Variants in SGCZ observed in about 807,000 individuals in gnomAD.
The protein encoded by SGCZ is zeta-sarcoglycan.
Under a neutral mutation model 41.3 loss-of-function variants are expected in SGCZ, and 40 were observed. That is an observed-to-expected ratio of 0.97 (90% confidence interval 0.75 to 1.26). The LOEUF (loss-of-function observed/expected upper bound fraction) is 1.26, where lower values mean the gene tolerates loss of function less well. Ranked by LOEUF, SGCZ falls within the 50% of genes most tolerant of loss-of-function variation. SGCZ has a pLI of 0.00. For missense variants in SGCZ, 552 were observed against 369.8 expected (o/e 1.49, Z -4.04); for synonymous variants, 206 against 137.5 (o/e 1.50, Z -3.49).
At chr8:14,410,099 A>C (rs1331525267) in intron 2 of SGCZ, among the ~76,000 whole-genome samples, 1 of 152,096 alleles carries the variant, frequency 6.6e-6, no homozygotes, top group Non-Finnish European at 1.5e-5. Context: ...TTAGATTCTT[A>C]AAGGAATGCA....
intron 1 of SGCZ, among the ~76,000 whole-genome samples, chr8:15,162,877 T>C (rs1464403175): frequency 6.6e-6 from 1 of 152,200 alleles, no homozygotes; most frequent in African/African-American, 2.4e-5. Context: ...AAGGAAATCA[T>C]GAAACTGCAG....
At chr8:15,054,146 G>T (rs1325842146) in intron 1 of SGCZ, among the ~76,000 whole-genome samples, 1 of 152,158 alleles carries the variant, frequency 6.6e-6, no homozygotes, top group East Asian at 1.9e-4. Context: ...CTGTGTATAA[G>T]TGAATATTTA....
intron 1 of SGCZ, among the ~76,000 whole-genome samples, chr8:14,617,945 G>A (rs1325792387): frequency 6.6e-6 from 1 of 151,928 alleles, no homozygotes; most frequent in Non-Finnish European, 1.5e-5. Context: ...TTAAGAGGCA[G>A]ATAAAATAGA....
intron 3 of SGCZ, among the ~76,000 whole-genome samples, chr8:14,316,991 A>C (rs1801740501): frequency 6.6e-6 from 1 of 151,934 alleles, no homozygotes; most frequent in African/African-American, 2.4e-5. Context: ...TGCAGTGATT[A>C]GTGGCAATTG....
rs79155085 is a variant in SGCZ at position 14,506,502 on chromosome 8, T to TAA, written c.234+48228_234+48229dup. Among the ~76,000 whole-genome samples, 462 of 149,510 alleles carry TAA rather than the reference T, an allele frequency of 3.1e-3. 1 individual carries two copies. The highest frequency in any genetic ancestry group is 4.3e-3 in the Non-Finnish European group (287 of 67,286). On this transcript the variant is annotated intron_variant, in intron 2 of 7. Coordinates refer to ENST00000382080, the MANE Select transcript of SGCZ (RefSeq NM_139167.4). ...AAAACAAGTTATTAACTTATTCATT[T>TAA]AAAAAAAAAAAGTCAGTCTCCTAAT...
chr8:14,835,948 T>C (rs1276623964), intron 1 of SGCZ, among the ~76,000 whole-genome samples: 2 of 152,216 alleles, frequency 1.3e-5, no homozygotes, highest in Non-Finnish European at 2.9e-5. Flanking sequence ...AAATTTCCAA[T>C]AAGTTGCTAT....
chr8:14,704,735 T>A (rs1213644514), intron 1 of SGCZ, among the ~76,000 whole-genome samples: 1 of 151,938 alleles, frequency 6.6e-6, no homozygotes, highest in East Asian at 1.9e-4. Context: ...TTTTTTCCAA[T>A]GCCATTACAC....
At chr8:14,298,988 A>G (rs1266391375) in intron 3 of SGCZ, among the ~76,000 whole-genome samples, 2 of 152,098 alleles carry the variant, frequency 1.3e-5, no homozygotes, top group Non-Finnish European at 2.9e-5. Context: ...TTATATTGGT[A>G]TAATGAAAGA....
chr8:14,945,160 G>A (rs1244785275), intron 1 of SGCZ, among the ~76,000 whole-genome samples: 1 of 121,938 alleles, frequency 8.2e-6, no homozygotes, highest in African/African-American at 3.1e-5. Flanking sequence ...TTGTGTGTGG[G>A]TGGGTGGGGG....
intron 1 of SGCZ, among the ~76,000 whole-genome samples, chr8:15,236,927 C>T (rs944601101): frequency 2.0e-5 from 3 of 152,180 alleles, no homozygotes; most frequent in Non-Finnish European, 4.4e-5. Context: ...GCCCGAGTCC[C>T]CGGACCTGCT....
intron 2 of SGCZ, among the ~76,000 whole-genome samples, chr8:14,394,151 T>TCC (rs1563300655): frequency 0.012 from 795 of 65,626 alleles, 20 homozygotes; most frequent in African/African-American, 0.062. Context: ...ACCTTTTTTT[T>TCC]TTTTTTTTTT....
intron 1 of SGCZ, among the ~76,000 whole-genome samples, chr8:14,999,063 T>C (rs1008314237): frequency 4.3e-4 from 66 of 152,328 alleles, no homozygotes; most frequent in African/African-American, 1.5e-3. Flanking sequence ...GGCAGAATTA[T>C]GTATGGACAA....
intron 2 of SGCZ, among the ~76,000 whole-genome samples, chr8:14,391,137 T>C (rs1030557703): frequency 6.6e-5 from 10 of 152,148 alleles, no homozygotes; most frequent in Admixed American, 6.6e-4. Context: ...ATTAAGGCTC[T>C]AGGGGTGATC....
At chr8:14,226,669 T>C (rs548931704) in intron 4 of SGCZ, among the ~76,000 whole-genome samples, 40 of 152,284 alleles carry the variant, frequency 2.6e-4, no homozygotes, top group African/African-American at 8.7e-4. Flanking sequence ...TGAATATCTA[T>C]AGAAACTTTA....
At chr8:14,381,595 T>C (rs558511253) in intron 2 of SGCZ, among the ~76,000 whole-genome samples, 1 of 151,202 alleles carries the variant, frequency 6.6e-6, no homozygotes, top group Non-Finnish European at 1.5e-5. Flanking sequence ...GGCAACATGA[T>C]GAAACCCCGG....
chr8:14,195,941 G>A (rs1400110920), intron 4 of SGCZ, among the ~76,000 whole-genome samples: 1 of 152,064 alleles, frequency 6.6e-6, no homozygotes, highest in East Asian at 1.9e-4. Context: ...ACATCAGATG[G>A]AAATATGAAT....
chr8:14,091,481 C>A (rs1485984522), intron 7 of SGCZ, among the ~76,000 whole-genome samples: 3 of 152,098 alleles, frequency 2.0e-5, no homozygotes, highest in Non-Finnish European at 4.4e-5. Context: ...TCCTCCCCAG[C>A]ATCTGTTGTT....
chr8:14,853,684 G>A (rs1468148110), intron 1 of SGCZ, among the ~76,000 whole-genome samples: 3 of 152,112 alleles, frequency 2.0e-5, no homozygotes, highest in African/African-American at 4.8e-5. Context: ...TGACAACGCT[G>A]AGAAATTAGT....
chr8:14,922,058 T>C (rs926289548), intron 1 of SGCZ, among the ~76,000 whole-genome samples: 1 of 152,126 alleles, frequency 6.6e-6, no homozygotes, highest in Admixed American at 6.5e-5. Flanking sequence ...CAAATGTTGA[T>C]GGAACTTGAA....
Sources: gnomAD v4.1 joint callset for allele counts (sites outside exome capture counted in the v4.1 genomes callset) on GRCh38, gnomAD v4.1.1 for gene constraint, MANE v1.5 for transcripts, NCBI Gene and HGNC (gene_info 2026-07-23, HGNC 2026-07-21) for gene names.